The following R3HDM1 variants were observed in gnomAD, a reference collection of about 807,000 sequenced individuals.
R3HDM1 encodes the protein R3H domain containing 1, also known as R3H domain-containing protein 1.
A neutral mutation model predicts 141.1 loss-of-function variants in R3HDM1; 46 were observed. That is an observed-to-expected ratio of 0.33 (90% confidence interval 0.26 to 0.42). The LOEUF is 0.42. Ranked by LOEUF, R3HDM1 falls within the 10% of genes least tolerant of loss-of-function variation. The pLI is 1.00. For synonymous variants in R3HDM1, 435 were observed against 472.9 expected, an observed-to-expected ratio of 0.92 and a Z score of 1.04; for missense variants, 1,184 against 1,368.3, an observed-to-expected ratio of 0.87 and a Z score of 2.12.
At chr2:135,562,854 G>C (rs1255860558) in intron 1 of R3HDM1, among the ~76,000 whole-genome samples, 1 of 152,072 alleles carries the variant, frequency 6.6e-6, no homozygotes, top group African/African-American at 2.4e-5. Flanking sequence ...AATGTTAACT[G>C]TTCCTTTTAT....
At chr2:135,627,320 T>C (rs1311938207) in intron 7 of R3HDM1, among the ~76,000 whole-genome samples, 1 of 152,176 alleles carries the variant, frequency 6.6e-6, no homozygotes, top group African/African-American at 2.4e-5. Context: ...TAGTCAGCCT[T>C]TCCTTTTTGG....
In R3HDM1 at chr2:135,724,017, T is replaced by G; in HGVS notation, c.3130T>G (p.Phe1044Val). ...MEAEKLFGEL[F>V]KIGAKIRWLR... ...AGCTGAAAAGCTTTTTGGGGAACTCTTTAAAATTGGCGCCAAGATCCGGTG... is the reference window on the plus strand; with the variant it reads ...AGCTGAAAAGCTTTTTGGGGAACTCGTTAAAATTGGCGCCAAGATCCGGTG... Residue 1044 changes from phenylalanine to valine, a missense_variant, in exon 27 of 27, where the codon TTT (phenylalanine) becomes GTT (valine). Coordinates refer to ENST00000683871, the MANE Select transcript of R3HDM1 (RefSeq NM_001378107.1). 1 of 1,614,022 alleles carries G rather than the reference T, an allele frequency of 6.2e-7. No homozygotes were observed. Among genetic ancestry groups the G allele is most frequent in the South Asian group, 1.1e-5 (1 of 91,080 alleles).
chr2:135,690,890 C>G (rs2072269240), intron 21 of R3HDM1, among the ~76,000 whole-genome samples: 1 of 151,982 alleles, frequency 6.6e-6, no homozygotes, highest in Non-Finnish European at 1.5e-5. Flanking sequence ...AATGGTAATA[C>G]TTTGGATTTA....
In R3HDM1 at chr2:135,651,687, A is replaced by G. The variant is rs201432428; in HGVS notation, c.1726-43A>G. ...TATTTTTCTTTGATAAGTTTGGCCT[A>G]TGTGTAGAAGGCTTACTAATTTTTG... On this transcript the variant is annotated intron_variant, in intron 17 of 26. Coordinates refer to ENST00000683871, the MANE Select transcript of R3HDM1 (RefSeq NM_001378107.1). 1.2e-5 allele frequency: 18 copies of G among 1,538,884 alleles called. No homozygotes were observed. In the East Asian group the frequency reaches 3.2e-4, roughly 27 times the overall value.
chr2:135,625,738 A>G (rs1401334531), intron 7 of R3HDM1, among the ~76,000 whole-genome samples: 2 of 152,110 alleles, frequency 1.3e-5, no homozygotes, highest in Non-Finnish European at 2.9e-5. Context: ...CTCCTCAACA[A>G]TCATACCTAC....
chr2:135,578,214 T>A (rs1176763181), intron 1 of R3HDM1, among the ~76,000 whole-genome samples: 1 of 152,166 alleles, frequency 6.6e-6, no homozygotes, highest in African/African-American at 2.4e-5. Context: ...GGAAAATCGC[T>A]GAACTACTTG....
At chr2:135,581,199 A>G in intron 1 of R3HDM1, 2 of 985,426 alleles carry the variant, frequency 2.0e-6, no homozygotes, top group Non-Finnish European at 2.4e-6. Flanking sequence ...ATATTAAGGT[A>G]GTAGTGAGGA....
chr2:135,719,395 T>C (rs1190772321), intron 24 of R3HDM1, among the ~76,000 whole-genome samples: 1 of 151,256 alleles, frequency 6.6e-6, no homozygotes, highest in East Asian at 1.9e-4. Context: ...AGAGAATCGC[T>C]TGAACCTGGG....
intron 18 of R3HDM1, among the ~76,000 whole-genome samples, chr2:135,659,914 G>A (rs1188819044): frequency 3.9e-5 from 6 of 152,146 alleles, no homozygotes; most frequent in Admixed American, 1.3e-4. Flanking sequence ...GACATCACTG[G>A]GTGATAGGAA....
intron 21 of R3HDM1, among the ~76,000 whole-genome samples, chr2:135,698,245 C>T (rs1056862888): frequency 3.3e-5 from 5 of 151,044 alleles, no homozygotes; most frequent in African/African-American, 7.3e-5. Flanking sequence ...GTACAAGCTC[C>T]GCCTCCCGGG....
Position 135,535,543 on chromosome 2 carries a change from T to TAA in R3HDM1, c.-250+3911_-250+3912insAA, listed in dbSNP as rs1300735760. 3.2e-3 allele frequency among the ~76,000 whole-genome samples: 433 copies of TAA among 136,500 alleles called. 2 individuals are homozygous for TAA. Among genetic ancestry groups the TAA allele is most frequent in the African/African-American group, 0.014 (411 of 28,858 alleles). The allele number at this position is 136,500 out of a possible 152,430, so 89.5% of individuals were successfully genotyped here. A position where few individuals can be genotyped will look rare whatever the true frequency, so the allele number is the denominator to read the frequency against. Reference sequence around the variant, plus strand: ...ATAAATAAATAAATAAATAAATAAATATGAGATGGCTGTTGTGAAGAGAAG... The same window carrying TAA: ...ATAAATAAATAAATAAATAAATAAATAAATGAGATGGCTGTTGTGAAGAGAAG... On this transcript the variant is annotated intron_variant, in intron 1 of 26. Coordinates refer to ENST00000683871, the MANE Select transcript of R3HDM1 (RefSeq NM_001378107.1).
chr2:135,569,488 A>T (rs1404724732), intron 1 of R3HDM1, among the ~76,000 whole-genome samples: 1 of 152,122 alleles, frequency 6.6e-6, no homozygotes, highest in South Asian at 2.1e-4. Flanking sequence ...ATCTAAAAAA[A>T]AAAAAATTCA....
chr2:135,616,821 T>A, intron 5 of R3HDM1, 64 bp downstream of exon 5: 2 of 1,335,184 alleles, frequency 1.5e-6, no homozygotes, highest in East Asian at 5.0e-5. Flanking sequence ...TGTATATGAT[T>A]TAAGTTGTGT....
Position 135,622,129 on chromosome 2 carries a change from C to T in R3HDM1, c.418+521C>T, listed in dbSNP as rs931145636. ...TAGTATAAAGATACTACATTTAAGG[C>T]GAAGATAGCATGAATATTTGAAAAG... On this transcript the variant is annotated intron_variant, in intron 6 of 26. Coordinates refer to ENST00000683871, the MANE Select transcript of R3HDM1 (RefSeq NM_001378107.1). 38 of 982,352 alleles carry T rather than the reference C, an allele frequency of 3.9e-5. No individual in the cohort carries two copies. In the Admixed American group the frequency reaches 4.3e-4, roughly 11 times the overall value. The allele number at this position is 982,352 out of a possible 1,614,324, so 60.9% of individuals were successfully genotyped here. A position where few individuals can be genotyped will look rare whatever the true frequency, so the allele number is the denominator to read the frequency against.
At chr2:135,545,097 G>A (rs905676533) in intron 1 of R3HDM1, among the ~76,000 whole-genome samples, 3 of 152,142 alleles carry the variant, frequency 2.0e-5, no homozygotes, top group African/African-American at 7.2e-5. Context: ...ATAAATTCCT[G>A]TGGTTAAAAC....
intron 1 of R3HDM1, among the ~76,000 whole-genome samples, chr2:135,587,948 C>G (rs1708319056): frequency 6.6e-6 from 1 of 151,988 alleles, no homozygotes; most frequent in Non-Finnish European, 1.5e-5. Flanking sequence ...ATTTGTCTTT[C>G]CTACTTTGTC....
At chr2:135,563,496 T>G (rs1336186363) in intron 1 of R3HDM1, among the ~76,000 whole-genome samples, 1 of 152,220 alleles carries the variant, frequency 6.6e-6, no homozygotes, top group Non-Finnish European at 1.5e-5. Context: ...TTGATTTTAT[T>G]GTATACTTTT....
At chr2:135,719,484 TAA>T (rs879938907) in intron 24 of R3HDM1, among the ~76,000 whole-genome samples, 2 of 139,910 alleles carry the variant, frequency 1.4e-5, no homozygotes, top group African/African-American at 2.6e-5. Context: ...TCTCAAAAAT[TAA>T]AAAAAAAAAA....
At chr2:135,561,426 G>GTCAT in intron 1 of R3HDM1, 1 of 832,674 alleles carries the variant, frequency 1.2e-6, no homozygotes, top group Non-Finnish European at 1.4e-6. Flanking sequence ...TTTAAAAAAT[G>GTCAT]TTAAGCTTGG....
Sources: allele counts gnomAD v4.1 joint callset (sites outside exome capture counted in the v4.1 genomes callset), GRCh38; gene constraint gnomAD v4.1.1; transcripts MANE v1.5; gene names NCBI Gene and HGNC (gene_info 2026-07-23, HGNC 2026-07-21).